HNF4A: variants seen among roughly 807,000 people sequenced by gnomAD.
HNF4A encodes hepatocyte nuclear factor 4-alpha.
A neutral mutation model predicts 52.4 loss-of-function variants in HNF4A; 15 were observed. The observed-to-expected ratio is 0.29, with a 90% CI of 0.19 to 0.44. The LOEUF is 0.44. HNF4A is among the 20% of genes least tolerant of loss of function. HNF4A has a pLI of 1.00. For missense variants in HNF4A, 479 were observed against 647.2 expected (o/e 0.74, Z 2.82); for synonymous variants, 280 against 264.4 (o/e 1.06, Z -0.57).
intron 3 of HNF4A, among the ~76,000 whole-genome samples, chr20:44,408,454 G>A (rs1201248713): frequency 2.6e-5 from 4 of 152,330 alleles, no homozygotes; most frequent in African/African-American, 7.2e-5. Context: ...GCCAGGCGCA[G>A]TGAATCAGGC....
chr20:44,366,255 G>C (rs1479767545), intron 1 of HNF4A, among the ~76,000 whole-genome samples: 1 of 152,160 alleles, frequency 6.6e-6, no homozygotes, highest in Non-Finnish European at 1.5e-5. Context: ...ATTTGTGCTT[G>C]ATGTTGTGAT....
intron 9 of HNF4A, 117 bp downstream of exon 9, chr20:44,428,604 G>C: frequency 9.8e-7 from 1 of 1,018,898 alleles, no homozygotes; most frequent in Non-Finnish European, 1.5e-6. Context: ...CTGGGTTCCA[G>C]GGTAGGGAAT....
chr20:44,413,350 C>T (rs753807934), intron 3 of HNF4A, among the ~76,000 whole-genome samples: 1 of 152,122 alleles, frequency 6.6e-6, no homozygotes, highest in Non-Finnish European at 1.5e-5. Flanking sequence ...AAGAAAGGGA[C>T]CCTTTTGTAG....
Position 44,428,316 on chromosome 20 carries a change from C to A in HNF4A, c.1130-19C>A, listed in dbSNP as rs202202465. The A allele has an allele frequency of 6.2e-7, 1 of 1,613,530 alleles. No homozygotes were observed. ...TGCATCCCAGACTCTCCATCCTGAT[C>A]GACCTTCTCTACCTGCAGGGTCCCC... is the stretch of plus-strand genomic sequence containing the variant. On this transcript the variant is annotated intron_variant, in intron 8 of 9. Coordinates refer to ENST00000316099, the MANE Select transcript of HNF4A (RefSeq NM_000457.6).
intron 1 of HNF4A, among the ~76,000 whole-genome samples, chr20:44,381,844 C>G (rs1437296177): frequency 6.6e-6 from 1 of 152,200 alleles, no homozygotes; most frequent in Non-Finnish European, 1.5e-5. Flanking sequence ...CTCCTGACCT[C>G]AAGTGATCCA....
rs775721024 is a variant in HNF4A at position 44,385,059 on chromosome 20, C to CTTTTTTTTTTTTTTTTTTTTTTTTTT, written c.50-20996_50-20971dup. 1.8e-3 allele frequency among the ~76,000 whole-genome samples: 62 copies of CTTTTTTTTTTTTTTTTTTTTTTTTTT among 34,986 alleles called. 10 individuals are homozygous for CTTTTTTTTTTTTTTTTTTTTTTTTTT. Among genetic ancestry groups the CTTTTTTTTTTTTTTTTTTTTTTTTTT allele is most frequent in the African/African-American group, 2.9e-3 (22 of 7,654 alleles). The allele number at this position is 34,986 out of a possible 152,430, so 23.0% of individuals were successfully genotyped here. Reference sequence around the variant, plus strand: ...AGTGGTTTCAGCTGAACTCTGTGATCTTTTTTTTTTTTTTTTTTTTTTTTT... The same window carrying CTTTTTTTTTTTTTTTTTTTTTTTTTT: ...AGTGGTTTCAGCTGAACTCTGTGATCTTTTTTTTTTTTTTTTTTTTTTTTTTTTTTTTTTTTTTTTTTTTTTTTTTT... On this transcript the variant is annotated intron_variant, in intron 1 of 9. Transcript: ENST00000316673.
Position 44,429,691 on chromosome 20 carries a change from A to G in HNF4A, c.*26A>G. Reference sequence around the variant, plus strand: ...CAAGCCGCTGGGGCTTGGGGGCTCCACTGGCTCCCCCCAGCCCCCTAAGAG... The same window carrying G: ...CAAGCCGCTGGGGCTTGGGGGCTCCGCTGGCTCCCCCCAGCCCCCTAAGAG... On this transcript the variant is annotated 3_prime_UTR_variant, in exon 10 of 10. Transcript: ENST00000316099. 1.2e-6 allele frequency: 2 copies of G among 1,612,980 alleles called. No homozygotes were observed. Among genetic ancestry groups the G allele is most frequent in the Admixed American group, 1.7e-5 (1 of 59,998 alleles).
At chr20:44,404,678 GTGTA>G (rs760656401) in intron 1 of HNF4A, among the ~76,000 whole-genome samples, 3 of 144,796 alleles carry the variant, frequency 2.1e-5, no homozygotes, top group East Asian at 2.0e-4. Context: ...TGTGGACTGT[GTGTA>G]TGTGTGTGCA....
At chr20:44,419,637 T>C in intron 6 of HNF4A, 84 bp from the exon 7 acceptor site, 1 of 1,311,640 alleles carries the variant, frequency 7.6e-7, no homozygotes, top group Non-Finnish European at 1.1e-6. Flanking sequence ...GCACCAGCTA[T>C]CTTGCCAACT....
At chr20:44,381,184 T>C (rs1200039291) in intron 1 of HNF4A, among the ~76,000 whole-genome samples, 2 of 152,118 alleles carry the variant, frequency 1.3e-5, no homozygotes, top group African/African-American at 4.8e-5. Flanking sequence ...TTGTATTTTA[T>C]AGAAAGATCT....
At chr20:44,404,665 A>G (rs1383879654) in intron 1 of HNF4A, among the ~76,000 whole-genome samples, 2 of 145,694 alleles carry the variant, frequency 1.4e-5, no homozygotes, top group Non-Finnish European at 3.0e-5. Flanking sequence ...GACTGTGTGC[A>G]TGTGTGGACT....
chr20:44,420,804 C>A (rs749598634), intron 7 of HNF4A, among the ~76,000 whole-genome samples: 13 of 152,072 alleles, frequency 8.5e-5, no homozygotes, highest in East Asian at 3.9e-4. Context: ...GGTGACAAAG[C>A]AAGACCTCAT....
At chr20:44,411,921 G>GTTTA (rs2063589891) in intron 3 of HNF4A, among the ~76,000 whole-genome samples, 1 of 151,912 alleles carries the variant, frequency 6.6e-6, no homozygotes, top group Non-Finnish European at 1.5e-5. Context: ...GCCAGGCGTG[G>GTTTA]TGGCACACGC....
intron 1 of HNF4A, among the ~76,000 whole-genome samples, chr20:44,370,762 G>T (rs190478056): frequency 5.3e-5 from 8 of 152,328 alleles, no homozygotes; most frequent in Admixed American, 2.0e-4. Context: ...AGGGTGAGCA[G>T]CTGGATGGGC....
chr20:44,434,559 C>T (rs2063907012), downstream of HNF4A: 1 of 151,130 alleles, frequency 6.6e-6, no homozygotes, highest in African/African-American at 2.5e-5. Flanking sequence ...TATTTCAGTC[C>T]TAAATTGTGC....
intron 8 of HNF4A, chr20:44,424,662 C>G (rs1435725683): frequency 7.7e-7 from 1 of 1,302,704 alleles, no homozygotes. Context: ...GAAAAGGAAT[C>G]CTCTTTAGAT....
intron 1 of HNF4A, among the ~76,000 whole-genome samples, chr20:44,382,567 T>C (rs943632535): frequency 2.6e-5 from 4 of 152,170 alleles, no homozygotes; most frequent in Non-Finnish European, 5.9e-5. Context: ...TCTCATCCTC[T>C]GCCATCCTAG....
chr20:44,390,600 G>T (rs1485363383), intron 1 of HNF4A: 10 of 702,382 alleles, frequency 1.4e-5, no homozygotes, highest in Non-Finnish European at 2.3e-5. Flanking sequence ...AGGATGAAGA[G>T]GTTGTGCACT....
chr20:44,380,184 T>C (rs1568698931), intron 1 of HNF4A, among the ~76,000 whole-genome samples: 2 of 152,244 alleles, frequency 1.3e-5, no homozygotes, highest in African/African-American at 4.8e-5. Flanking sequence ...CAGCCTCTTA[T>C]TGCAGTTTTG....
Sources: allele counts gnomAD v4.1 joint callset (sites outside exome capture counted in the v4.1 genomes callset), GRCh38; gene constraint gnomAD v4.1.1; transcripts MANE v1.5; gene names NCBI Gene and HGNC (gene_info 2026-07-23, HGNC 2026-07-21).